The following PRKG1 variants were observed in gnomAD, a reference collection of about 807,000 sequenced individuals.
The protein encoded by PRKG1 is cGMP-dependent protein kinase 1.
PRKG1 carries 35 observed loss-of-function variants against 88.1 expected under a neutral mutation model. The ratio of observed to expected loss-of-function variants is 0.40; its 90% CI spans 0.30 to 0.53. The LOEUF (loss-of-function observed/expected upper bound fraction) is 0.53, where lower values mean the gene tolerates loss of function less well. Among genes scored for constraint, PRKG1 ranks in the 20% least tolerant of loss-of-function variants. PRKG1 has a pLI of 0.59. For synonymous variants in PRKG1, 303 were observed against 292.5 expected (o/e 1.04, Z -0.37); for missense variants, 540 against 839.8 (o/e 0.64, Z 4.41).
chr10:51,744,203 A>C (rs1274192261), intron 3 of PRKG1, among the ~76,000 whole-genome samples: 1 of 152,074 alleles, frequency 6.6e-6, no homozygotes, highest in East Asian at 1.9e-4. Flanking sequence ...TCTCCCTACC[A>C]CTGTGAAGTG....
At chr10:51,091,720 A>C (rs561762456) in intron 1 of PRKG1, among the ~76,000 whole-genome samples, 2 of 152,304 alleles carry the variant, frequency 1.3e-5, no homozygotes, top group East Asian at 3.9e-4. Flanking sequence ...CAGTAACAAC[A>C]GCAGTAGTAG....
chr10:51,326,591 C>T (rs1841599057), intron 2 of PRKG1, among the ~76,000 whole-genome samples: 1 of 152,132 alleles, frequency 6.6e-6, no homozygotes, highest in South Asian at 2.1e-4. Context: ...GCTAGCTTTG[C>T]CTTTAAAAAA....
chr10:51,553,626 C>T (rs1837196653), intron 3 of PRKG1, among the ~76,000 whole-genome samples: 1 of 151,342 alleles, frequency 6.6e-6, no homozygotes, highest in African/African-American at 2.4e-5. Flanking sequence ...ATGTCACTTT[C>T]TTCTTAAAAT....
intron 7 of PRKG1, among the ~76,000 whole-genome samples, chr10:52,106,424 T>C (rs1025286749): frequency 2.0e-5 from 3 of 152,136 alleles, no homozygotes; most frequent in Non-Finnish European, 4.4e-5. Context: ...CTGGCAACCT[T>C]TTCCTCCAGA....
At chr10:52,159,487 C>T (rs1272825692) in intron 8 of PRKG1, among the ~76,000 whole-genome samples, 1 of 151,504 alleles carries the variant, frequency 6.6e-6, no homozygotes, top group Non-Finnish European at 1.5e-5. Context: ...TATTTTTAAG[C>T]TCATTGGGAT....
At chr10:51,354,857 A>G (rs1842330656) in intron 2 of PRKG1, among the ~76,000 whole-genome samples, 1 of 152,106 alleles carries the variant, frequency 6.6e-6, no homozygotes, top group Non-Finnish European at 1.5e-5. Context: ...GATTAAAGAT[A>G]TCAAAAAACA....
chr10:51,651,958 A>G (rs1257799543), intron 3 of PRKG1, among the ~76,000 whole-genome samples: 1 of 152,190 alleles, frequency 6.6e-6, no homozygotes, highest in Non-Finnish European at 1.5e-5. Context: ...TAAAGCTTTT[A>G]ATAGATGTGT....
intron 1 of PRKG1, among the ~76,000 whole-genome samples, chr10:51,053,792 T>A (rs202241072): frequency 2.3e-5 from 3 of 129,674 alleles, no homozygotes; most frequent in Non-Finnish European, 3.4e-5. Context: ...TTTTTTTTTT[T>A]AACTTTTGAA....
intron 2 of PRKG1, among the ~76,000 whole-genome samples, chr10:51,266,272 A>G (rs1839834036): frequency 6.6e-6 from 1 of 152,130 alleles, no homozygotes; most frequent in African/African-American, 2.4e-5. Flanking sequence ...GACGTAAAAG[A>G]GTTGTACTTC....
At chr10:52,208,471 C>T (rs1839876746) in intron 9 of PRKG1, among the ~76,000 whole-genome samples, 1 of 152,172 alleles carries the variant, frequency 6.6e-6, no homozygotes, top group African/African-American at 2.4e-5. Context: ...TGGTAAAATG[C>T]TTTACCGTAA....
intron 2 of PRKG1, among the ~76,000 whole-genome samples, chr10:51,173,317 A>G (rs1165322957): frequency 6.6e-6 from 1 of 152,044 alleles, no homozygotes; most frequent in Non-Finnish European, 1.5e-5. Flanking sequence ...CTGTTGAAGT[A>G]TAATAAGCCA....
At chr10:51,526,294 A>C (rs1171540399) in intron 3 of PRKG1, among the ~76,000 whole-genome samples, 2 of 152,202 alleles carry the variant, frequency 1.3e-5, no homozygotes, top group African/African-American at 2.4e-5. Context: ...TATTGAGTTA[A>C]ATATATTATT....
intron 9 of PRKG1, among the ~76,000 whole-genome samples, chr10:52,232,098 T>G (rs1433151602): frequency 6.6e-6 from 1 of 151,876 alleles, no homozygotes; most frequent in African/African-American, 2.4e-5. Flanking sequence ...AGGTTGGGAG[T>G]TCGAGACCAG....
At chr10:52,009,887 T>C (rs2133167304) in intron 5 of PRKG1, among the ~76,000 whole-genome samples, 1 of 152,248 alleles carries the variant, frequency 6.6e-6, no homozygotes, top group African/African-American at 2.4e-5. Flanking sequence ...AACCATCTGA[T>C]GTTTGACTGA....
At chr10:51,919,321 G>T (rs1842412456) in intron 5 of PRKG1, among the ~76,000 whole-genome samples, 1 of 152,020 alleles carries the variant, frequency 6.6e-6, no homozygotes. Flanking sequence ...AAGGCTTTAG[G>T]GAGATGGCAG....
At chr10:51,041,820 A>G (rs1380109235) in intron 1 of PRKG1, among the ~76,000 whole-genome samples, 1 of 152,210 alleles carries the variant, frequency 6.6e-6, no homozygotes, top group Non-Finnish European at 1.5e-5. Flanking sequence ...TTTGCTTTGA[A>G]TAAGTTAATG....
intron 3 of PRKG1, among the ~76,000 whole-genome samples, chr10:51,747,078 G>A (rs977345180): frequency 6.6e-6 from 1 of 152,206 alleles, no homozygotes; most frequent in Non-Finnish European, 1.5e-5. Context: ...TGGAGTCACT[G>A]GGGGTTTTTG....
At chr10:51,223,335 G>C (rs1215888818) in intron 2 of PRKG1, among the ~76,000 whole-genome samples, 1 of 152,062 alleles carries the variant, frequency 6.6e-6, no homozygotes. Context: ...CAGGCAAAAA[G>C]AACCAAGAAA....
intron 2 of PRKG1, among the ~76,000 whole-genome samples, chr10:51,339,653 T>C (rs1473139683): frequency 6.6e-6 from 1 of 152,022 alleles, no homozygotes; most frequent in Non-Finnish European, 1.5e-5. Flanking sequence ...TGCATATAAG[T>C]TCGTGTAGTA....
Sources: allele counts gnomAD v4.1 joint callset (sites outside exome capture counted in the v4.1 genomes callset), GRCh38; gene constraint gnomAD v4.1.1; transcripts MANE v1.5; gene names NCBI Gene and HGNC (gene_info 2026-07-23, HGNC 2026-07-21).